The following TBC1D5 variants were observed in gnomAD, a reference collection of about 807,000 sequenced individuals.
The protein encoded by TBC1D5 is TBC1 domain family member 5.
A neutral mutation model predicts 100.3 loss-of-function variants in TBC1D5; 75 were observed. The ratio of observed to expected loss-of-function variants is 0.75; its 90% CI spans 0.62 to 0.91. The LOEUF (loss-of-function observed/expected upper bound fraction) is 0.91, where lower values mean the gene tolerates loss of function less well. Ranked by LOEUF, TBC1D5 falls within the 40% of genes least tolerant of loss-of-function variation. TBC1D5 has a pLI of 0.00. For missense variants in TBC1D5, 910 were observed against 942.4 expected, an observed-to-expected ratio of 0.97 and a Z score of 0.45; for synonymous variants, 323 against 325.6, an observed-to-expected ratio of 0.99 and a Z score of 0.09.
chr3:17,383,921 A>G, exon 9 of TBC1D5: 1 of 1,597,584 alleles, frequency 6.3e-7, no homozygotes, highest in East Asian at 2.2e-5. Context: ...ACCTGTTTAT[A>G]AAGCAACTGC....
chr3:17,667,742 G>A (rs2067436270), intron 1 of TBC1D5, among the ~76,000 whole-genome samples: 1 of 152,088 alleles, frequency 6.6e-6, no homozygotes, highest in African/African-American at 2.4e-5. Context: ...ATGAGCCACG[G>A]TGCCCAGCCA....
At chr3:17,591,095 G>T (rs1486408530) in intron 2 of TBC1D5, among the ~76,000 whole-genome samples, 1 of 151,494 alleles carries the variant, frequency 6.6e-6, no homozygotes, top group Non-Finnish European at 1.5e-5. Flanking sequence ...AATTAGCCAG[G>T]TGTGGTGGCG....
Position 17,610,958 on chromosome 3 carries a change from C to T in TBC1D5, c.-36+12891G>A, listed in dbSNP as rs753851227. On this transcript the variant is annotated intron_variant, in intron 2 of 21. Coordinates refer to ENST00000253692, the Ensembl canonical transcript of TBC1D5. The stretch of plus-strand genomic sequence containing the variant: ...CTGGGAGGCAGAGGTTGCAGTGAGC[C>T]GAGACCATGCCATTGCACTCCAGCC... 4.3e-4 allele frequency among the ~76,000 whole-genome samples: 65 copies of T among 151,988 alleles called. 2 individuals are homozygous for T. The highest frequency in any genetic ancestry group is 5.9e-4 in the Admixed American group (9 of 15,260).
intron 19 of TBC1D5, among the ~76,000 whole-genome samples, chr3:17,178,585 C>A (rs1414763151): frequency 6.6e-6 from 1 of 152,154 alleles, no homozygotes; most frequent in Non-Finnish European, 1.5e-5. Context: ...TTAGGAACCT[C>A]CAAACTGTTC....
intron 1 of TBC1D5, among the ~76,000 whole-genome samples, chr3:17,627,273 G>A (rs773918916): frequency 6.6e-6 from 1 of 152,158 alleles, no homozygotes; most frequent in Non-Finnish European, 1.5e-5. Flanking sequence ...GACAGACAGT[G>A]GCAAGACGAT....
At chr3:17,222,897 A>T (rs2074437552) in intron 17 of TBC1D5, among the ~76,000 whole-genome samples, 1 of 152,218 alleles carries the variant, frequency 6.6e-6, no homozygotes, top group East Asian at 1.9e-4. Flanking sequence ...AGGTAGAAGC[A>T]TTAAATTTTT....
At chr3:17,398,184 C>T (rs889490404) in intron 8 of TBC1D5, among the ~76,000 whole-genome samples, 1 of 152,006 alleles carries the variant, frequency 6.6e-6, no homozygotes. Context: ...AATTAGAATG[C>T]TGTAAATGGA....
At chr3:17,219,040 A>G (rs2073984052) in intron 17 of TBC1D5, among the ~76,000 whole-genome samples, 1 of 149,060 alleles carries the variant, frequency 6.7e-6, no homozygotes, top group Non-Finnish European at 1.5e-5. Flanking sequence ...CACTATCTGT[A>G]TGTTATTATG....
At chr3:17,421,139 T>A (rs1471305414) in intron 4 of TBC1D5, among the ~76,000 whole-genome samples, 1 of 152,200 alleles carries the variant, frequency 6.6e-6, no homozygotes, top group Non-Finnish European at 1.5e-5. Flanking sequence ...TCAGAGAGAT[T>A]GTATATTATA....
chr3:17,285,409 C>T (rs1292482225), intron 15 of TBC1D5, among the ~76,000 whole-genome samples: 1 of 151,154 alleles, frequency 6.6e-6, no homozygotes, highest in Non-Finnish European at 1.5e-5. Flanking sequence ...TACAGGCGCC[C>T]GCTACCACGC....
chr3:17,423,124 A>G (rs1234406516), intron 4 of TBC1D5, among the ~76,000 whole-genome samples: 1 of 152,194 alleles, frequency 6.6e-6, no homozygotes, highest in African/African-American at 2.4e-5. Context: ...GCTCTGATAA[A>G]TATCAAGACA....
At chr3:17,302,446 G>A (rs2082948953) in intron 14 of TBC1D5, among the ~76,000 whole-genome samples, 1 of 152,112 alleles carries the variant, frequency 6.6e-6, no homozygotes, top group African/African-American at 2.4e-5. Context: ...TCAGGTACTA[G>A]AAGTTAGGAC....
chr3:17,378,391 T>C (rs2092795456), intron 9 of TBC1D5, among the ~76,000 whole-genome samples: 1 of 151,862 alleles, frequency 6.6e-6, no homozygotes, highest in African/African-American at 2.4e-5. Flanking sequence ...CTCACCTATA[T>C]TCAGAGTGTT....
At chr3:17,614,113 G>A (rs1228028975) in intron 2 of TBC1D5, among the ~76,000 whole-genome samples, 2 of 152,182 alleles carry the variant, frequency 1.3e-5, no homozygotes, top group East Asian at 3.8e-4. Context: ...TGGCTAGCCA[G>A]ATTTCTCAGC....
At chr3:17,547,235 A>G (rs2096426077) in intron 2 of TBC1D5, among the ~76,000 whole-genome samples, 1 of 152,250 alleles carries the variant, frequency 6.6e-6, no homozygotes, top group Non-Finnish European at 1.5e-5. Flanking sequence ...ACTTTTAAAT[A>G]TCTAAAAACA....
intron 3 of TBC1D5, among the ~76,000 whole-genome samples, chr3:17,448,158 T>G (rs1483326548): frequency 6.6e-6 from 1 of 152,186 alleles, no homozygotes; most frequent in Non-Finnish European, 1.5e-5. Context: ...AACTCCTCAT[T>G]CATTACAGTT....
At chr3:17,389,551 C>T (rs2093287119) in intron 8 of TBC1D5, among the ~76,000 whole-genome samples, 1 of 152,090 alleles carries the variant, frequency 6.6e-6, no homozygotes, top group African/African-American at 2.4e-5. Flanking sequence ...CGCGGGTGTT[C>T]TCACCACAGC....
chr3:17,307,477 GAACACGTCTACC>G (rs1419834455), intron 14 of TBC1D5, among the ~76,000 whole-genome samples: 1 of 152,138 alleles, frequency 6.6e-6, no homozygotes, highest in Non-Finnish European at 1.5e-5. Flanking sequence ...GAGGAGATGG[GAACACGTCTACC>G]ATTCAGCACT....
chr3:17,627,783 TAAAAGA>T (rs2063178636), intron 1 of TBC1D5, among the ~76,000 whole-genome samples: 1 of 151,974 alleles, frequency 6.6e-6, no homozygotes, highest in Non-Finnish European at 1.5e-5. Context: ...TTTGTTTCAC[TAAAAGA>T]AAAAGCTGGA....
Sources: gnomAD v4.1 joint callset for allele counts (sites outside exome capture counted in the v4.1 genomes callset) on GRCh38, gnomAD v4.1.1 for gene constraint, MANE v1.5 for transcripts, NCBI Gene and HGNC (gene_info 2026-07-23, HGNC 2026-07-21) for gene names.